NALCN: variants seen among roughly 807,000 people sequenced by gnomAD.
NALCN encodes sodium leak channel NALCN.
NALCN carries 111 observed loss-of-function variants against 225.3 expected under a neutral mutation model. The observed-to-expected ratio is 0.49, with a 90% CI of 0.42 to 0.58. NALCN has a LOEUF of 0.58. Among genes scored for constraint, NALCN ranks in the 20% least tolerant of loss-of-function variants. The pLI, the probability that NALCN is intolerant of heterozygous loss-of-function variation, is 0.00. For synonymous variants in NALCN, 764 were observed against 769.0 expected, an observed-to-expected ratio of 0.99 and a Z score of 0.11; for missense variants, 1,378 against 2,202.4, an observed-to-expected ratio of 0.63 and a Z score of 7.49.
chr13:101,409,961 T>C (rs981154764), intron 1 of NALCN, among the ~76,000 whole-genome samples: 1 of 152,148 alleles, frequency 6.6e-6, no homozygotes, highest in Non-Finnish European at 1.5e-5. Context: ...CATGAGGCCA[T>C]GAAGGTGGAG....
In NALCN at chr13:101,103,206, C is replaced by T. The variant is rs1390226714; in HGVS notation, c.3023G>A (p.Arg1008Gln). Residue 1008 changes from arginine to glutamine, a missense_variant, in exon 26 of 44, where the codon CGA becomes CAA. Physicochemically the swap from Arg to Gln is conservative, Grantham distance 43 (BLOSUM62 1). Around this residue, in one of 19 missense-constraint regions of NALCN, gnomAD observed 292 missense variants for 409.5 expected, o/e 0.71. Transcript: ENST00000251127. ...TTCCTTGAAGCCGCTGAAAAGTTCT[C>T]GAACAACTTTCCTCATCTGGGGCAC... ...KLVPQMRKVV[R>Q]ELFSGFKEIF... 1 of 1,613,676 alleles carries T rather than the reference C, an allele frequency of 6.2e-7. No homozygotes were observed. Among genetic ancestry groups the T allele is most frequent in the Non-Finnish European group, 8.5e-7 (1 of 1,179,852 alleles).
chr13:101,345,477 A>T, intron 6 of NALCN, 57 bp from the exon 7 acceptor site: 2 of 1,573,982 alleles, frequency 1.3e-6, no homozygotes, highest in Non-Finnish European at 8.7e-7. Flanking sequence ...TGTTGATTAC[A>T]ATGAATAATG....
chr13:101,379,535 A>C (rs930337935), intron 3 of NALCN, among the ~76,000 whole-genome samples: 1 of 152,218 alleles, frequency 6.6e-6, no homozygotes, highest in Non-Finnish European at 1.5e-5. Context: ...CTATGCAGCC[A>C]TAAAAAAGGA....
At chr13:101,387,014 G>A (rs1388939858) in intron 3 of NALCN, among the ~76,000 whole-genome samples, 2 of 151,710 alleles carry the variant, frequency 1.3e-5, no homozygotes, top group African/African-American at 2.4e-5. Context: ...GAGGTCAGGA[G>A]ATCGAGACCA....
At chr13:101,291,423 C>T (rs988452561) in intron 9 of NALCN, among the ~76,000 whole-genome samples, 5 of 152,136 alleles carry the variant, frequency 3.3e-5, no homozygotes, top group Non-Finnish European at 7.4e-5. Context: ...ATGTGGTTGA[C>T]GATCTTGGTT....
intron 11 of NALCN, among the ~76,000 whole-genome samples, chr13:101,240,515 A>G (rs2041721059): frequency 6.6e-6 from 1 of 152,026 alleles, no homozygotes; most frequent in Non-Finnish European, 1.5e-5. Flanking sequence ...TTTTATAGAA[A>G]TGTGCACAAT....
chr13:101,219,947 C>T (rs941277184), intron 13 of NALCN, among the ~76,000 whole-genome samples: 1 of 152,132 alleles, frequency 6.6e-6, no homozygotes, highest in Non-Finnish European at 1.5e-5. Flanking sequence ...GACATCATTA[C>T]CATTTTAAAA....
intron 6 of NALCN, among the ~76,000 whole-genome samples, chr13:101,369,991 TTC>T (rs1361786982): frequency 1.3e-5 from 2 of 152,216 alleles, no homozygotes; most frequent in Non-Finnish European, 2.9e-5. Flanking sequence ...CAACTTACTT[TTC>T]TCTGTTTCTT....
chr13:101,100,684 A>G, intron 27 of NALCN, 100 bp downstream of exon 27: 1 of 962,106 alleles, frequency 1.0e-6, no homozygotes, highest in Non-Finnish European at 1.5e-6. Context: ...GTTTCAAGTA[A>G]TCTTCCCTCC....
intron 34 of NALCN, among the ~76,000 whole-genome samples, chr13:101,077,753 A>G (rs1004762522): frequency 1.3e-5 from 2 of 152,254 alleles, no homozygotes; most frequent in Non-Finnish European, 2.9e-5. Context: ...CCAGTTGCAG[A>G]AATTTACATA....
chr13:101,153,259 T>C (rs2139832435), intron 15 of NALCN, among the ~76,000 whole-genome samples: 1 of 152,314 alleles, frequency 6.6e-6, no homozygotes, highest in South Asian at 2.1e-4. Context: ...ATGCCTGTAA[T>C]TTGAATTACT....
chr13:101,073,355 T>A (rs1344074216), intron 37 of NALCN, among the ~76,000 whole-genome samples: 1 of 152,192 alleles, frequency 6.6e-6, no homozygotes, highest in Non-Finnish European at 1.5e-5. Context: ...ACAAAATGCA[T>A]ATTTGTTGAA....
At chr13:101,187,050 G>C (rs188610201) in intron 14 of NALCN, among the ~76,000 whole-genome samples, 1,960 of 151,558 alleles carry the variant, frequency 0.013, 60 homozygotes, top group South Asian at 0.012. Flanking sequence ...AATACAGTAG[G>C]CCCCCCCCTT....
chr13:101,073,765 G>A (rs780591330), intron 36 of NALCN, 88 bp from the exon 37 acceptor site: 10 of 1,120,162 alleles, frequency 8.9e-6, no homozygotes, highest in Non-Finnish European at 1.3e-5. Flanking sequence ...AAAACAAGTG[G>A]AGGTTGTAGC....
At chr13:101,270,574 T>C (rs990847362) in intron 10 of NALCN, among the ~76,000 whole-genome samples, 2 of 152,198 alleles carry the variant, frequency 1.3e-5, no homozygotes, top group Admixed American at 6.5e-5. Flanking sequence ...TTTTGAGCTA[T>C]GTAGAATCTT....
intron 34 of NALCN, among the ~76,000 whole-genome samples, chr13:101,079,083 GC>G (rs2139494298): frequency 6.6e-6 from 1 of 152,236 alleles, no homozygotes; most frequent in Non-Finnish European, 1.5e-5. Context: ...ATTGTAAGTT[GC>G]CTGGGGCCTT....
intron 28 of NALCN, among the ~76,000 whole-genome samples, chr13:101,090,887 TC>T (rs959182000): frequency 6.6e-6 from 1 of 152,156 alleles, no homozygotes; most frequent in African/African-American, 2.4e-5. Flanking sequence ...CCATTTGAAG[TC>T]CCCGCTGTCC....
At chr13:101,322,705 G>A (rs1005621224) in intron 7 of NALCN, among the ~76,000 whole-genome samples, 4 of 151,782 alleles carry the variant, frequency 2.6e-5, no homozygotes, top group East Asian at 3.9e-4. Context: ...ATCTCTAAGC[G>A]TGGTTTTTTT....
At chr13:101,269,113 T>C (rs1353383158) in intron 10 of NALCN, among the ~76,000 whole-genome samples, 2 of 152,074 alleles carry the variant, frequency 1.3e-5, no homozygotes, top group Non-Finnish European at 2.9e-5. Flanking sequence ...TCACTTTGCT[T>C]ACTTGGCTGG....
Sources: allele counts gnomAD v4.1 joint callset (sites outside exome capture counted in the v4.1 genomes callset), GRCh38; gene constraint gnomAD v4.1.1; regional missense constraint gnomAD v4.1.1; transcripts MANE v1.5; gene names NCBI Gene and HGNC (gene_info 2026-07-23, HGNC 2026-07-21).